RAF1: variants seen among roughly 807,000 people sequenced by gnomAD.
RAF1 encodes RAF proto-oncogene serine/threonine-protein kinase.
RAF1 carries 27 observed loss-of-function variants against 81.1 expected under a neutral mutation model. That is an observed-to-expected ratio of 0.33 (90% confidence interval 0.25 to 0.46). The LOEUF (loss-of-function observed/expected upper bound fraction) is 0.46. Ranked by LOEUF, RAF1 falls within the 20% of genes least tolerant of loss-of-function variation. The pLI is 1.00. For synonymous variants in RAF1, 298 were observed against 294.0 expected, an observed-to-expected ratio of 1.01 and a Z score of -0.14; for missense variants, 598 against 826.0, an observed-to-expected ratio of 0.72 and a Z score of 3.38.
At chr3:12,630,955 C>T (rs1406392079) in intron 1 of RAF1, among the ~76,000 whole-genome samples, 1 of 152,164 alleles carries the variant, frequency 6.6e-6, no homozygotes, top group African/African-American at 2.4e-5. Flanking sequence ...AGGCACGTGC[C>T]ACCACGCCTG....
chr3:12,641,752 A>G (rs1026897435), intron 1 of RAF1, among the ~76,000 whole-genome samples: 1 of 152,130 alleles, frequency 6.6e-6, no homozygotes, highest in Non-Finnish European at 1.5e-5. Context: ...TTGGCCTCCC[A>G]AAGTGCTGGG....
At position 12,584,401 on chromosome 3, in the gene RAF1, A is replaced by C. The variant is rs886057914; in HGVS notation, c.*113T>G. The C allele has an allele frequency of 3.8e-5, 52 of 1,379,326 alleles. No homozygotes were observed. The Admixed American group carries it at 5.3e-4, about 14-fold the overall frequency. The allele number at this position is 1,379,326 out of a possible 1,614,324, so 85.4% of individuals were successfully genotyped here. On this transcript the variant is annotated 3_prime_UTR_variant, in exon 18 of 18. Coordinates refer to ENST00000442415, the MANE Select transcript of RAF1 (RefSeq NM_001354689.3). Reference sequence around the variant, plus strand: ...CCTGTGAGCAGTCTAGAAGGTCCTTAGCAGCAGCTTCTCTGAAAACATGTG... The same window carrying C: ...CCTGTGAGCAGTCTAGAAGGTCCTTCGCAGCAGCTTCTCTGAAAACATGTG...
rs137893733 is a variant in RAF1 at position 12,603,325 on chromosome 3, TAAAAAGAAAGAAAG to T, written c.894+139_894+152del. Among the ~76,000 whole-genome samples, 4 of 152,204 alleles carry T rather than the reference TAAAAAGAAAGAAAG, an allele frequency of 2.6e-5. No individual in the cohort carries two copies. In the East Asian group the frequency reaches 5.8e-4, roughly 22 times the overall value. Reference sequence around the variant, plus strand: ...TATACTCTACTGCCAAAAAAAATTTTAAAAAGAAAGAAAGAAAAAGAAAACATGGAAACAAGTGA... The same window carrying T: ...TATACTCTACTGCCAAAAAAAATTTTAAAAAGAAAACATGGAAACAAGTGA... On this transcript the variant is annotated intron_variant, in intron 8 of 17. Coordinates refer to ENST00000442415, the MANE Select transcript of RAF1 (RefSeq NM_001354689.3).
rs934571479 is a variant in RAF1, at chr3:12,663,883, G to C, written c.-97C>G. ...TTCTCGCCCGCTCCTCCTCCCCGCG[G>C]CGGGTGAGGGAGCGGGAGGCGGTCA... On this transcript the variant is annotated 5_prime_UTR_variant, in exon 1 of 18. Transcript: ENST00000442415. 3.8e-5 allele frequency: 15 copies of C among 398,010 alleles called. No individual in the cohort carries two copies. The highest frequency in any genetic ancestry group is 6.6e-5 in the Non-Finnish European group (15 of 225,716). The allele number at this position is 398,010 out of a possible 1,614,324, so 24.7% of individuals were successfully genotyped here. A position where few individuals can be genotyped will look rare whatever the true frequency, so the allele number is the denominator to read the frequency against.
At position 12,661,152 on chromosome 3, in the gene RAF1, G is replaced by C. The variant is rs561521329; in HGVS notation, c.-27+2661C>G. On this transcript the variant is annotated intron_variant, in intron 1 of 17. Coordinates refer to ENST00000442415, the MANE Select transcript of RAF1 (RefSeq NM_001354689.3). ...ATCATCACAACCAAAGCAAGATTTA[G>C]AAACTGCAACTGAAGTCTGTTAATT... Among the ~76,000 whole-genome samples, 11 of 152,262 alleles carry C rather than the reference G, an allele frequency of 7.2e-5. No individual in the cohort carries two copies. The South Asian group carries it at 2.3e-3, about 32-fold the overall frequency.
chr3:12,658,819 T>C (rs2060781237), intron 1 of RAF1, among the ~76,000 whole-genome samples: 1 of 152,184 alleles, frequency 6.6e-6, no homozygotes, highest in African/African-American at 2.4e-5. Flanking sequence ...TGTACACTGA[T>C]TGGAATGTGA....
chr3:12,645,937 A>G (rs181455363), intron 1 of RAF1, among the ~76,000 whole-genome samples: 10 of 152,324 alleles, frequency 6.6e-5, no homozygotes, highest in Non-Finnish European at 1.2e-4. Flanking sequence ...GTGTGGAGGA[A>G]AGAAAAAGAC....
At chr3:12,601,780 G>C (rs1383737781) in intron 8 of RAF1, among the ~76,000 whole-genome samples, 1 of 152,144 alleles carries the variant, frequency 6.6e-6, no homozygotes. Context: ...AAACTAGCTA[G>C]TCTTCAGAAT....
chr3:12,596,062 A>G (rs2058676207), intron 11 of RAF1, among the ~76,000 whole-genome samples: 1 of 151,914 alleles, frequency 6.6e-6, no homozygotes, highest in African/African-American at 2.4e-5. Flanking sequence ...AAGTAGAGAC[A>G]GGGTCTCACT....
rs898685285 is a variant in RAF1 at position 12,585,303 on chromosome 3, C to A, written c.1597-50G>T. Reference sequence around the variant, plus strand: ...AGTGCATTTATCACCATATGACAGGCCTCACAGACATCTAGGGGCCAGGCT... The same window carrying A: ...AGTGCATTTATCACCATATGACAGGACTCACAGACATCTAGGGGCCAGGCT... On this transcript the variant is annotated intron_variant, in intron 15 of 17. Transcript: ENST00000442415. The A allele has an allele frequency of 1.9e-6, 3 of 1,610,806 alleles. No individual in the cohort carries two copies. The African/African-American group carries it at 4.0e-5, about 22-fold the overall frequency.
chr3:12,627,494 T>C (rs945137335), intron 1 of RAF1, among the ~76,000 whole-genome samples: 1 of 152,210 alleles, frequency 6.6e-6, no homozygotes, highest in Non-Finnish European at 1.5e-5. Flanking sequence ...GGGGACGTTT[T>C]AGGATAGAAA....
At chr3:12,650,892 G>GAGGT (rs2060503142) in intron 1 of RAF1, among the ~76,000 whole-genome samples, 1 of 152,170 alleles carries the variant, frequency 6.6e-6, no homozygotes, top group Admixed American at 6.6e-5. Context: ...AGTGGAAGAA[G>GAGGT]AGGTAGACAA....
In RAF1 at chr3:12,612,377, G is replaced by C. The variant is rs575996625; in HGVS notation, c.208-315C>G. ...TTTTAAAGGTGAAGAGGCCAGGCACGGTGGCTCACGCCTGTAATCTCAGCA... is the reference window on the plus strand; with the variant it reads ...TTTTAAAGGTGAAGAGGCCAGGCACCGTGGCTCACGCCTGTAATCTCAGCA... On this transcript the variant is annotated intron_variant, in intron 2 of 17. Transcript: ENST00000442415. Among the ~76,000 whole-genome samples the C allele has an allele frequency of 3.2e-3, 482 of 152,212 alleles. 1 individual carries two copies. Among genetic ancestry groups the C allele is most frequent in the African/African-American group, 0.011 (451 of 41,516 alleles).
chr3:12,637,597 C>T (rs949838249), intron 1 of RAF1, among the ~76,000 whole-genome samples: 1 of 151,982 alleles, frequency 6.6e-6, no homozygotes, highest in Non-Finnish European at 1.5e-5. Context: ...GGAGGCCGGG[C>T]ACAGTGGCTC....
At chr3:12,621,673 A>G (rs1037429352) in intron 1 of RAF1, among the ~76,000 whole-genome samples, 4 of 152,266 alleles carry the variant, frequency 2.6e-5, no homozygotes, top group Admixed American at 2.0e-4. Context: ...ATGTGTAAGC[A>G]TATTCCTTGC....
At chr3:12,611,837 T>A in intron 3 of RAF1, 113 bp downstream of exon 3, 1 of 822,244 alleles carries the variant, frequency 1.2e-6, no homozygotes, top group Non-Finnish European at 2.1e-6. Flanking sequence ...AAGAAAGGTA[T>A]AGAAATATAC....
chr3:12,662,992 CT>C (rs1351935295), intron 1 of RAF1, among the ~76,000 whole-genome samples: 2 of 152,134 alleles, frequency 1.3e-5, no homozygotes, highest in East Asian at 3.9e-4. Context: ...CCGTTCACAT[CT>C]CAAGGATACA....
intron 2 of RAF1, among the ~76,000 whole-genome samples, chr3:12,616,990 A>T (rs2125447347): frequency 6.6e-6 from 1 of 152,226 alleles, no homozygotes. Flanking sequence ...GCTGGGGTGA[A>T]GTGGTGCAAT....
chr3:12,583,752 TA>T lies in RAF1; in HGVS notation c.*761del, dbSNP rs2058217181. Reference sequence around the variant, plus strand: ...CTTCCTTGTATACACATGATGTGACTAGAGAAACAAGGCTGTTTGTTTGTTT... The same window carrying T: ...CTTCCTTGTATACACATGATGTGACTGAGAAACAAGGCTGTTTGTTTGTTT... On this transcript the variant is annotated 3_prime_UTR_variant, in exon 18 of 18. Transcript: ENST00000442415. The T allele has an allele frequency of 4.3e-5, 10 of 233,356 alleles. No individual in the cohort carries two copies. In the East Asian group the frequency reaches 6.0e-4, roughly 14 times the overall value. The allele number at this position is 233,356 out of a possible 1,614,324, so 14.5% of individuals were successfully genotyped here.
Sources: gnomAD v4.1 joint callset for allele counts (sites outside exome capture counted in the v4.1 genomes callset) on GRCh38, gnomAD v4.1.1 for gene constraint, MANE v1.5 for transcripts, NCBI Gene and HGNC (gene_info 2026-07-23, HGNC 2026-07-21) for gene names.